ENOX1: variants seen among roughly 807,000 people sequenced by gnomAD.
ENOX1 encodes the protein candidate growth-related and time keeping constitutive hydroquinone (NADH) oxidase.
In ENOX1, 42 loss-of-function variants were observed where a neutral mutation model predicts 82.5. The observed-to-expected ratio is 0.51, with a 90% CI of 0.40 to 0.66. The LOEUF (loss-of-function observed/expected upper bound fraction) is 0.66. Among genes scored for constraint, ENOX1 ranks in the 30% least tolerant of loss-of-function variants. The pLI is 0.00. For missense variants in ENOX1, 608 were observed against 811.6 expected, an observed-to-expected ratio of 0.75 and a Z score of 3.05; for synonymous variants, 271 against 282.2, an observed-to-expected ratio of 0.96 and a Z score of 0.40.
chr13:43,511,155 A>G (rs1426082343), intron 2 of ENOX1, among the ~76,000 whole-genome samples: 2 of 152,168 alleles, frequency 1.3e-5, no homozygotes, highest in African/African-American at 4.8e-5. Context: ...GAGCTGAGGC[A>G]TTTAATCATA....
intron 1 of ENOX1, among the ~76,000 whole-genome samples, chr13:43,719,343 A>ACACACC (rs1555368286): frequency 9.7e-4 from 145 of 149,012 alleles, no homozygotes; most frequent in African/African-American, 3.6e-3. Flanking sequence ...ACACACACAC[A>ACACACC]CACACCAGCA....
At chr13:43,681,318 G>C (rs1373622383) in intron 1 of ENOX1, among the ~76,000 whole-genome samples, 1 of 152,124 alleles carries the variant, frequency 6.6e-6, no homozygotes, top group African/African-American at 2.4e-5. Flanking sequence ...GTAAGACAAA[G>C]ACATTTGTCC....
intron 1 of ENOX1, among the ~76,000 whole-genome samples, chr13:43,675,800 C>T (rs558032105): frequency 6.6e-6 from 1 of 152,252 alleles, no homozygotes; most frequent in African/African-American, 2.4e-5. Flanking sequence ...ATGTGGGGCA[C>T]CCTGCAAGCA....
At position 43,625,903 on chromosome 13, in the gene ENOX1, T is replaced by A. The variant is rs913228607; in HGVS notation, c.-219+41576A>T. Among the ~76,000 whole-genome samples the A allele has an allele frequency of 9.9e-5, 15 of 152,082 alleles. No homozygotes were observed. In the East Asian group the frequency reaches 2.5e-3, roughly 25 times the overall value. On this transcript the variant is annotated intron_variant, in intron 2 of 16. Coordinates refer to ENST00000690772, the MANE Select transcript of ENOX1 (RefSeq NM_001347969.2). ...TCCTTTCCTATTTTCTGGAAGAGAC[T>A]CTGTAGAATTAGTATTAATTATTCT...
intron 1 of ENOX1, among the ~76,000 whole-genome samples, chr13:43,744,359 AT>A (rs1280868487): frequency 5.9e-5 from 9 of 152,160 alleles, no homozygotes; most frequent in African/African-American, 2.2e-4. Context: ...CCCTCAGGTC[AT>A]TCTTTTTTCA....
intron 2 of ENOX1, among the ~76,000 whole-genome samples, chr13:43,628,250 T>C (rs2083054256): frequency 6.6e-6 from 1 of 152,146 alleles, no homozygotes; most frequent in Non-Finnish European, 1.5e-5. Flanking sequence ...GATGTTTTGT[T>C]ATAATCCCAC....
At chr13:43,569,958 G>A (rs183275830) in intron 2 of ENOX1, among the ~76,000 whole-genome samples, 189 of 152,260 alleles carry the variant, frequency 1.2e-3, no homozygotes, top group African/African-American at 4.2e-3. Flanking sequence ...ATAGTTGCAC[G>A]AATCAGGTGC....
At chr13:43,334,365 G>A (rs2048579652) in intron 9 of ENOX1, among the ~76,000 whole-genome samples, 1 of 152,170 alleles carries the variant, frequency 6.6e-6, no homozygotes, top group Non-Finnish European at 1.5e-5. Flanking sequence ...CCCATTATAT[G>A]ATGGGCCAAA....
At chr13:43,279,907 C>G (rs2045279885) in intron 12 of ENOX1, among the ~76,000 whole-genome samples, 1 of 152,208 alleles carries the variant, frequency 6.6e-6, no homozygotes, top group Non-Finnish European at 1.5e-5. Context: ...TGAATTAACA[C>G]CATTCATGCA....
At chr13:43,491,012 G>A (rs545046671) in intron 2 of ENOX1, among the ~76,000 whole-genome samples, 1 of 152,252 alleles carries the variant, frequency 6.6e-6, no homozygotes, top group Non-Finnish European at 1.5e-5. Flanking sequence ...CTGAGGCTGG[G>A]TAATTCATAA....
intron 16 of ENOX1, 79 bp from the exon 17 acceptor site, chr13:43,214,200 TC>T: frequency 6.9e-7 from 1 of 1,451,592 alleles, no homozygotes; most frequent in African/African-American, 1.4e-5. Context: ...GGATGAGCTT[TC>T]CCAGTGATAT....
intron 5 of ENOX1, among the ~76,000 whole-genome samples, chr13:43,400,460 C>G (rs187201880): frequency 3.3e-5 from 5 of 152,266 alleles, no homozygotes; most frequent in African/African-American, 1.2e-4. Flanking sequence ...TTTAAAAATT[C>G]CAAGTTTCTG....
At chr13:43,377,171 T>C (rs944961704) in intron 5 of ENOX1, among the ~76,000 whole-genome samples, 1 of 152,196 alleles carries the variant, frequency 6.6e-6, no homozygotes, top group Non-Finnish European at 1.5e-5. Flanking sequence ...ATTAATGCTT[T>C]TACCATGGGA....
chr13:43,785,472 A>G (rs530620162), intron 1 of ENOX1, among the ~76,000 whole-genome samples: 11 of 152,324 alleles, frequency 7.2e-5, no homozygotes, highest in Admixed American at 2.6e-4. Context: ...ATACGCACGT[A>G]TTTCCTGCAT....
chr13:43,338,747 G>A lies in ENOX1; in HGVS notation c.1036+5791C>T, dbSNP rs373836620. The stretch of plus-strand genomic sequence containing the variant: ...GTCACCCAGGCTGGAGTGCAGTGGC[G>A]CCATCTCGGCTCACTGCAAGCTCTG... On this transcript the variant is annotated intron_variant, in intron 9 of 16. Transcript: ENST00000690772. Among the ~76,000 whole-genome samples the A allele has an allele frequency of 2.9e-5, 4 of 139,250 alleles. No individual in the cohort carries two copies. In the East Asian group the frequency reaches 6.5e-4, roughly 23 times the overall value. 91.4% of individuals were successfully genotyped at this position (139,250 alleles called of 152,430 possible).
At chr13:43,356,770 T>C (rs1468603473) in intron 7 of ENOX1, among the ~76,000 whole-genome samples, 3 of 151,988 alleles carry the variant, frequency 2.0e-5, no homozygotes, top group Non-Finnish European at 4.4e-5. Flanking sequence ...TTTCCACTTA[T>C]CCTCTGGGGT....
At chr13:43,779,883 G>A (rs910542543) in intron 1 of ENOX1, among the ~76,000 whole-genome samples, 4 of 152,140 alleles carry the variant, frequency 2.6e-5, no homozygotes, top group East Asian at 1.9e-4. Flanking sequence ...GAGGCCGGGC[G>A]TGGTGGCTCA....
At chr13:43,254,703 A>T (rs1213426296) in intron 14 of ENOX1, among the ~76,000 whole-genome samples, 1 of 152,220 alleles carries the variant, frequency 6.6e-6, no homozygotes, top group Non-Finnish European at 1.5e-5. Context: ...TAAAAATCAC[A>T]AAACAACTGA....
At chr13:43,489,637 G>A (rs1436515380) in intron 2 of ENOX1, among the ~76,000 whole-genome samples, 1 of 152,154 alleles carries the variant, frequency 6.6e-6, no homozygotes, top group Admixed American at 6.5e-5. Context: ...TCCCATTATT[G>A]TAGAGCCACA....
Sources: allele counts gnomAD v4.1 joint callset (sites outside exome capture counted in the v4.1 genomes callset), GRCh38; gene constraint gnomAD v4.1.1; transcripts MANE v1.5; gene names NCBI Gene and HGNC (gene_info 2026-07-23, HGNC 2026-07-21).